The following POLA1 variants were observed in gnomAD, a reference collection of about 807,000 sequenced individuals.
POLA1 encodes DNA polymerase alpha 1, catalytic subunit.
POLA1 carries 15 observed loss-of-function variants against 124.0 expected under a neutral mutation model. That is an observed-to-expected ratio of 0.12 (90% confidence interval 0.08 to 0.19). The LOEUF (loss-of-function observed/expected upper bound fraction) is 0.19, where lower values mean the gene tolerates loss of function less well. Ranked by LOEUF, POLA1 falls within the 10% of genes least tolerant of loss-of-function variation. The pLI, the probability that POLA1 is intolerant of heterozygous loss-of-function variation, is 1.00. For synonymous variants in POLA1, 408 were observed against 389.4 expected (o/e 1.05, Z -0.56); for missense variants, 886 against 1,103.4 (o/e 0.80, Z 2.79).
At chrX:24,701,696 A>G (rs1488172220) in intron 2 of POLA1, among the ~76,000 whole-genome samples, 1 of 111,229 alleles carries the variant, frequency 9.0e-6, no homozygotes, top group East Asian at 2.8e-4. Context: ...TTGGCCTCCC[A>G]AAGTGCTGGG....
At chrX:24,823,057 T>C (rs992248932) in intron 31 of POLA1, among the ~76,000 whole-genome samples, 5 of 112,218 alleles carry the variant, frequency 4.5e-5, no homozygotes, top group South Asian at 3.7e-4. Flanking sequence ...AAGGTTCCTT[T>C]TTCTCAGGTC....
chrX:24,956,790 T>TTA (rs1340911102), intron 36 of POLA1, among the ~76,000 whole-genome samples: 8 of 112,319 alleles, frequency 7.1e-5, no homozygotes, highest in Admixed American at 2.8e-4. Flanking sequence ...AAGACTCTAC[T>TTA]ATCTCCTGAA....
intron 34 of POLA1, among the ~76,000 whole-genome samples, chrX:24,866,277 G>C (rs770643508): frequency 7.3e-4 from 82 of 111,848 alleles, no homozygotes; most frequent in Non-Finnish European, 1.1e-3. Flanking sequence ...TTTTGTTTTT[G>C]TTATATTAGT....
At chrX:24,839,744 C>G in intron 32 of POLA1, among the ~76,000 whole-genome samples, 1 of 112,391 alleles carries the variant, frequency 8.9e-6, no homozygotes, top group Non-Finnish European at 1.9e-5. Context: ...TTTTCCTTAT[C>G]TTTTGATTAG....
intron 26 of POLA1, among the ~76,000 whole-genome samples, chrX:24,792,226 GC>G (rs2045514769): frequency 1.8e-5 from 2 of 110,969 alleles, no homozygotes; most frequent in African/African-American, 6.6e-5. Flanking sequence ...GGACAAGGCT[GC>G]TTTTTAATGG....
chrX:24,803,930 T>TAAAAAAAA lies in POLA1; in HGVS notation c.2965-5944_2965-5937dup, dbSNP rs34721601. On this transcript the variant is annotated intron_variant, in intron 26 of 36. Coordinates refer to ENST00000379068, the MANE Select transcript of POLA1 (RefSeq NM_001330360.2). ...GTGCTCTGATTTCAGACCCTAGACT[T>TAAAAAAAA]AAAAAAAAAAAAAAAAAAAAAAAAA... Among the ~76,000 whole-genome samples the TAAAAAAAA allele has an allele frequency of 2.2e-3, 31 of 13,843 alleles. 3 individuals are homozygous for TAAAAAAAA. The highest frequency in any genetic ancestry group is 8.9e-3 in the African/African-American group (30 of 3,388). The allele number at this position is 13,843 out of a possible 115,157, so 12.0% of individuals were successfully genotyped here. A position where few individuals can be genotyped will look rare whatever the true frequency, so the allele number is the denominator to read the frequency against.
At chrX:24,814,896 C>G in intron 29 of POLA1, 83 bp from the exon 30 acceptor site, 90 of 809,356 alleles carry the variant, frequency 1.1e-4, no homozygotes, top group Middle Eastern at 3.3e-4. Context: ...AATGGCATTT[C>G]TCTTCCTTCT....
At chrX:24,738,836 T>C (rs1454453770) in intron 19 of POLA1, among the ~76,000 whole-genome samples, 1 of 112,096 alleles carries the variant, frequency 8.9e-6, no homozygotes, top group Non-Finnish European at 1.9e-5. Flanking sequence ...CTGTACCTTT[T>C]TCGTAATGTT....
intron 36 of POLA1, among the ~76,000 whole-genome samples, chrX:24,948,090 AG>A (rs1192476017): frequency 8.9e-6 from 1 of 112,186 alleles, no homozygotes; most frequent in African/African-American, 3.2e-5. Context: ...CTCTGAAAGG[AG>A]GTCTATAAGT....
At chrX:24,948,770 A>T (rs1279740838) in intron 36 of POLA1, among the ~76,000 whole-genome samples, 1 of 112,138 alleles carries the variant, frequency 8.9e-6, no homozygotes, top group Non-Finnish European at 1.9e-5. Context: ...TTGCTTTCTG[A>T]CATTAAGCTT....
chrX:24,760,988 A>G (rs1173705406), intron 26 of POLA1, among the ~76,000 whole-genome samples: 2 of 111,890 alleles, frequency 1.8e-5, no homozygotes, highest in Admixed American at 1.9e-4. Flanking sequence ...ACTTGAATGT[A>G]TGAGTCTCAA....
At chrX:24,968,474 C>T (rs769516746) in intron 36 of POLA1, among the ~76,000 whole-genome samples, 138 of 111,247 alleles carry the variant, frequency 1.2e-3, no homozygotes, top group Non-Finnish European at 2.2e-3. Context: ...CCAAGGCGGG[C>T]GGATCACAAG....
chrX:24,758,371 A>G (rs2148419870), intron 26 of POLA1, among the ~76,000 whole-genome samples: 1 of 112,189 alleles, frequency 8.9e-6, no homozygotes, highest in African/African-American at 3.2e-5. Context: ...ATTTCTTTCA[A>G]AATGGCTAAG....
chrX:24,815,727 A>G (rs773178225), intron 30 of POLA1, among the ~76,000 whole-genome samples: 1 of 111,844 alleles, frequency 8.9e-6, no homozygotes, highest in African/African-American at 3.2e-5. Context: ...AATTTTGCAA[A>G]TACAATGCTA....
rs1176080185 is a variant in POLA1, at chrX:24,993,851, G to A, written c.4262-1954G>A. Among the ~76,000 whole-genome samples the A allele has an allele frequency of 2.7e-5, 3 of 112,188 alleles. No individual in the cohort carries two copies. In the Admixed American group the frequency reaches 2.8e-4, roughly 11 times the overall value. The stretch of plus-strand genomic sequence containing the variant: ...TGACTGGCTATGGGATATGCTGGCG[G>A]TCACAGTTGTCTTTTAGGAGGAAGA... On this transcript the variant is annotated intron_variant, in intron 36 of 36. Transcript: ENST00000379068.
At chrX:24,790,917 A>G (rs961381580) in intron 26 of POLA1, among the ~76,000 whole-genome samples, 18 of 99,276 alleles carry the variant, frequency 1.8e-4, no homozygotes, top group East Asian at 1.8e-3. Context: ...ATATGTATAT[A>G]TATATATATA....
intron 36 of POLA1, among the ~76,000 whole-genome samples, chrX:24,990,087 G>A (rs1050652482): frequency 4.5e-5 from 5 of 111,940 alleles, no homozygotes; most frequent in Non-Finnish European, 9.4e-5. Context: ...CTGTAATACA[G>A]AGATACGTGT....
chrX:24,811,890 C>A (rs2045907058), intron 28 of POLA1, among the ~76,000 whole-genome samples: 1 of 112,159 alleles, frequency 8.9e-6, no homozygotes, highest in Non-Finnish European at 1.9e-5. Context: ...TCATTTGTAG[C>A]CTCTTAATAG....
At chrX:24,736,774 C>T (rs1352868577) in intron 18 of POLA1, among the ~76,000 whole-genome samples, 1 of 111,983 alleles carries the variant, frequency 8.9e-6, no homozygotes, top group South Asian at 3.7e-4. Context: ...TAACTCTTTT[C>T]ATTTTGTAAA....
Sources: allele counts gnomAD v4.1 joint callset (sites outside exome capture counted in the v4.1 genomes callset), GRCh38; gene constraint gnomAD v4.1.1; transcripts MANE v1.5; gene names NCBI Gene and HGNC (gene_info 2026-07-23, HGNC 2026-07-21).